The following ADGRB3 variants were observed in gnomAD, a reference collection of about 807,000 sequenced individuals.
ADGRB3 encodes the protein brain-specific angiogenesis inhibitor 3.
A neutral mutation model predicts 193.4 loss-of-function variants in ADGRB3; 37 were observed. The observed-to-expected ratio is 0.19, with a 90% CI of 0.15 to 0.25. The LOEUF (loss-of-function observed/expected upper bound fraction) is 0.25. Among genes scored for constraint, ADGRB3 ranks in the 10% least tolerant of loss-of-function variants. ADGRB3 has a pLI of 1.00. For synonymous variants in ADGRB3, 690 were observed against 644.2 expected (o/e 1.07, Z -1.08); for missense variants, 1,637 against 1,852.9 (o/e 0.88, Z 2.14).
chr6:69,107,233 T>C (rs1346918554), intron 17 of ADGRB3, among the ~76,000 whole-genome samples: 2 of 152,210 alleles, frequency 1.3e-5, no homozygotes, highest in Non-Finnish European at 2.9e-5. Context: ...AGAAAAAAAT[T>C]ATATTTCTAC....
At chr6:68,957,178 G>A (rs561627777) in intron 8 of ADGRB3, among the ~76,000 whole-genome samples, 46 of 152,200 alleles carry the variant, frequency 3.0e-4, no homozygotes, top group African/African-American at 9.4e-4. Flanking sequence ...ATTTACTTGC[G>A]TTTGCCCCAT....
chr6:69,245,425 A>C (rs550880606), intron 20 of ADGRB3, among the ~76,000 whole-genome samples: 1 of 152,140 alleles, frequency 6.6e-6, no homozygotes, highest in South Asian at 2.1e-4. Flanking sequence ...TTCTTGTAAT[A>C]ATATATTGGA....
At chr6:69,195,964 A>G (rs1765285812) in intron 17 of ADGRB3, among the ~76,000 whole-genome samples, 1 of 152,184 alleles carries the variant, frequency 6.6e-6, no homozygotes. Flanking sequence ...ATCCATGAGC[A>G]TAATAATTCA....
At chr6:68,950,099 A>C (rs929029305) in intron 6 of ADGRB3, among the ~76,000 whole-genome samples, 1 of 152,040 alleles carries the variant, frequency 6.6e-6, no homozygotes, top group African/African-American at 2.4e-5. Flanking sequence ...TCTGTTACCC[A>C]GGCTGGAGTG....
intron 10 of ADGRB3, among the ~76,000 whole-genome samples, chr6:68,984,432 A>G (rs1354539739): frequency 2.6e-5 from 4 of 152,108 alleles, no homozygotes; most frequent in Non-Finnish European, 5.9e-5. Context: ...GTAATTGGAT[A>G]TGGGAGTCGG....
intron 10 of ADGRB3, among the ~76,000 whole-genome samples, chr6:68,980,408 TAGG>T (rs889926600): frequency 6.6e-6 from 1 of 151,404 alleles, no homozygotes; most frequent in African/African-American, 2.4e-5. Context: ...AGACAGAAAG[TAGG>T]AGAATATTTG....
chr6:68,819,120 A>G (rs1767692776), intron 3 of ADGRB3, among the ~76,000 whole-genome samples: 1 of 152,010 alleles, frequency 6.6e-6, no homozygotes, highest in Non-Finnish European at 1.5e-5. Flanking sequence ...TCACCTTTAT[A>G]TATGAAAGCA....
At chr6:69,080,079 C>A (rs1156885005) in intron 17 of ADGRB3, among the ~76,000 whole-genome samples, 1 of 151,932 alleles carries the variant, frequency 6.6e-6, no homozygotes, top group Non-Finnish European at 1.5e-5. Context: ...CTTCCATTAT[C>A]CTTATTTATT....
At chr6:68,998,960 T>TACAGGGCACAA in intron 11 of ADGRB3, among the ~76,000 whole-genome samples, 1 of 152,196 alleles carries the variant, frequency 6.6e-6, no homozygotes, top group South Asian at 2.1e-4. Flanking sequence ...TCACCTATAA[T>TACAGGGCACAA]ATACACCTTT....
chr6:68,768,929 AC>A (rs1168452940), intron 3 of ADGRB3, among the ~76,000 whole-genome samples: 1 of 152,156 alleles, frequency 6.6e-6, no homozygotes, highest in Non-Finnish European at 1.5e-5. Flanking sequence ...CAACAAACAT[AC>A]GAAAAAAAAG....
chr6:68,949,283 G>A (rs2150253602), intron 6 of ADGRB3, among the ~76,000 whole-genome samples: 1 of 152,202 alleles, frequency 6.6e-6, no homozygotes, highest in Non-Finnish European at 1.5e-5. Flanking sequence ...GAGCTGAGCA[G>A]TGTCACACCC....
intron 20 of ADGRB3, among the ~76,000 whole-genome samples, chr6:69,261,905 A>G (rs1174161381): frequency 6.6e-6 from 1 of 152,070 alleles, no homozygotes; most frequent in Non-Finnish European, 1.5e-5. Flanking sequence ...TTTATATAAT[A>G]TTTTGTAAAA....
chr6:69,282,995 A>G (rs1398595166), intron 20 of ADGRB3, among the ~76,000 whole-genome samples: 1 of 152,122 alleles, frequency 6.6e-6, no homozygotes, highest in Admixed American at 6.6e-5. Flanking sequence ...AAAATAAAAG[A>G]GATGGGCCAT....
At chr6:69,219,487 A>ATATATG (rs1554173004) in intron 17 of ADGRB3, among the ~76,000 whole-genome samples, 1 of 140,524 alleles carries the variant, frequency 7.1e-6, no homozygotes, top group Non-Finnish European at 1.6e-5. Flanking sequence ...ATATATATAT[A>ATATATG]TATATACGTG....
At chr6:69,073,001 A>C (rs1772120993) in intron 16 of ADGRB3, among the ~76,000 whole-genome samples, 1 of 152,148 alleles carries the variant, frequency 6.6e-6, no homozygotes, top group Non-Finnish European at 1.5e-5. Flanking sequence ...CCAGATAAGA[A>C]CCCATTTCTT....
chr6:69,210,170 A>ATATATATATATATATATATAC (rs70987458), intron 17 of ADGRB3, among the ~76,000 whole-genome samples: 1 of 131,774 alleles, frequency 7.6e-6, no homozygotes, highest in Non-Finnish European at 1.6e-5. Flanking sequence ...ATATATATAT[A>ATATATATATATATATATATAC]AAGGGGAGTT....
chr6:68,719,475 G>T (rs918443804), intron 3 of ADGRB3, among the ~76,000 whole-genome samples: 5 of 151,768 alleles, frequency 3.3e-5, no homozygotes, highest in Non-Finnish European at 7.4e-5. Flanking sequence ...AGCATACAAT[G>T]AGAGTGAGAG....
At chr6:68,761,772 A>G (rs1766398272) in intron 3 of ADGRB3, among the ~76,000 whole-genome samples, 1 of 152,058 alleles carries the variant, frequency 6.6e-6, no homozygotes, top group African/African-American at 2.4e-5. Flanking sequence ...ATGTTTTACT[A>G]TTAGGTTTTC....
At chr6:69,076,066 C>A in intron 17 of ADGRB3, 28 bp downstream of exon 17, 1 of 1,603,538 alleles carries the variant, frequency 6.2e-7, no homozygotes, top group Non-Finnish European at 8.5e-7. Context: ...TCCTACATTA[C>A]TTTGGGCTAA....
Sources: gnomAD v4.1 joint callset for allele counts (sites outside exome capture counted in the v4.1 genomes callset) on GRCh38, gnomAD v4.1.1 for gene constraint, MANE v1.5 for transcripts, NCBI Gene and HGNC (gene_info 2026-07-23, HGNC 2026-07-21) for gene names.